The following VWA1 variants were observed in gnomAD, a reference collection of about 807,000 sequenced individuals.
The protein encoded by VWA1 is von Willebrand factor A domain-containing protein 1.
In VWA1, 12 loss-of-function variants were observed where a neutral mutation model predicts 14.9. That is an observed-to-expected ratio of 0.80 (90% CI 0.52 to 1.30). The LOEUF is 1.30. Among genes scored for constraint, VWA1 ranks in the 50% most tolerant of loss-of-function variants. The pLI is 0.00. For synonymous variants in VWA1, 368 were observed against 310.7 expected (o/e 1.18, Z -1.94); for missense variants, 800 against 649.1 (o/e 1.23, Z -2.53).
At position 1,441,323 on chromosome 1, in the gene VWA1, A is replaced by G. The variant is rs1417024911; in HGVS notation, c.*1536A>G. ...CACCGCCCACCAGCTGGGTGTGGTC[A>G]CCATTCATGGAGGGCCGGCTGGGGC... On this transcript the variant is annotated 3_prime_UTR_variant, in exon 3 of 3. Coordinates refer to ENST00000476993, the MANE Select transcript of VWA1 (RefSeq NM_022834.5). 6.6e-6 allele frequency: 1 copy of G among 152,200 alleles called. No homozygotes were observed. Among genetic ancestry groups the G allele is most frequent in the Admixed American group, 6.5e-5 (1 of 15,278 alleles). 9.4% of individuals were successfully genotyped at this position (152,200 alleles called of 1,614,324 possible).
chr1:1,439,066 CT>C lies in VWA1; in HGVS notation c.632-14del, dbSNP rs753344012. On this transcript the variant is annotated splice_polypyrimidine_tract_variant and intron_variant, in intron 2 of 2. Transcript: ENST00000476993. The stretch of plus-strand genomic sequence containing the variant: ...GAACTGACCGCTGTTCCCTGACCCC[CT>C]GCACCACCCACAGACGCGATGCGGC... 4 of 1,595,702 alleles carry C rather than the reference CT, an allele frequency of 2.5e-6. No homozygotes were observed. The South Asian group carries it at 3.3e-5, about 13-fold the overall frequency.
Position 1,437,126 on chromosome 1 carries a change from C to T in VWA1, c.273C>T (p.His91=). 3 of 1,606,388 alleles carry T rather than the reference C, an allele frequency of 1.9e-6. No individual in the cohort carries two copies. Among genetic ancestry groups the T allele is most frequent in the Non-Finnish European group, 2.6e-6 (3 of 1,175,418 alleles). Reference sequence around the variant, plus strand: ...ACACCGAGTTCCCCTTCGGCCAGCACAGCTCGGGTGAGGCTGCCCAGGATG... The same window carrying T: ...ACACCGAGTTCCCCTTCGGCCAGCATAGCTCGGGTGAGGCTGCCCAGGATG... The part of the protein sequence containing the change: ...RPYTEFPFGQ[H]SSGEAAQDAV... The change falls in exon 2 of 3, where the codon CAC becomes CAT. Residue 91 remains histidine, a synonymous_variant. Coordinates refer to ENST00000476993, the MANE Select transcript of VWA1 (RefSeq NM_022834.5).
Position 1,442,744 on chromosome 1 carries a change from A to C in VWA1, c.*2957A>C, listed in dbSNP as rs1180152020. 1 of 152,252 alleles carries C rather than the reference A, an allele frequency of 6.6e-6. No homozygotes were observed. Among genetic ancestry groups the C allele is most frequent in the African/African-American group, 2.4e-5 (1 of 41,464 alleles). The allele number at this position is 152,252 out of a possible 1,614,324, so 9.4% of individuals were successfully genotyped here. ...CAGACAGCTGTTCGTGAGAAGCCAG[A>C]CAGAGGCCTGGGGTCTCAGTCCAGA... is the stretch of plus-strand genomic sequence containing the variant. On this transcript the variant is annotated 3_prime_UTR_variant, in exon 3 of 3. Transcript: ENST00000476993.
chr1:1,437,505 C>A, intron 2 of VWA1, 21 bp downstream of exon 2: 1 of 1,580,914 alleles, frequency 6.3e-7, no homozygotes, highest in Non-Finnish European at 8.6e-7. Context: ...GGAGGCAGGG[C>A]CCAGGGAGCC....
At chr1:1,438,699 C>T (rs1463332341) in intron 2 of VWA1, among the ~76,000 whole-genome samples, 1 of 152,146 alleles carries the variant, frequency 6.6e-6, no homozygotes, top group Non-Finnish European at 1.5e-5. Context: ...CCTCAGACCC[C>T]GGCCTGGCCA....
In VWA1 at chr1:1,437,297, C is replaced by T. The variant is rs375729899; in HGVS notation, c.444C>T (p.Ser148=). ...VLVWVTDGGS[S]DPVGPPMQEL... ...TGTGGGTGACAGATGGCGGCTCCAG[C>T]GACCCTGTGGGCCCCCCCATGCAGG... The change falls in exon 2 of 3, where the codon AGC becomes AGT. Residue 148 remains serine, a synonymous_variant. Transcript: ENST00000476993. The T allele has an allele frequency of 1.5e-4, 236 of 1,610,398 alleles. No individual in the cohort carries two copies. Among genetic ancestry groups the T allele is most frequent in the Non-Finnish European group, 1.8e-4 (217 of 1,179,036 alleles).
Position 1,439,358 on chromosome 1 carries a change from C to T in VWA1, c.909C>T (p.Pro303=). 3.2e-6 allele frequency: 5 copies of T among 1,542,814 alleles called. No individual in the cohort carries two copies. The highest frequency in any genetic ancestry group is 4.3e-6 in the Non-Finnish European group (5 of 1,151,044). Reference sequence around the variant, plus strand: ...AGATCCTGCGGGTGCGCACGCGGCCCGGTGAGGCAGGGCCGGGGGCTTCGG... The same window carrying T: ...AGATCCTGCGGGTGCGCACGCGGCCTGGTGAGGCAGGGCCGGGGGCTTCGG... The part of the protein sequence containing the change: ...RPQILRVRTR[P]GEAGPGASGP... Residue 303 remains proline, a synonymous_variant, in exon 3 of 3, where the codon CCC becomes CCT. Transcript: ENST00000476993.
At chr1:1,437,558 G>A in intron 2 of VWA1, 74 bp downstream of exon 2, 1 of 1,525,062 alleles carries the variant, frequency 6.6e-7, no homozygotes, top group Non-Finnish European at 8.8e-7. Context: ...TGAGACTTTG[G>A]GAAGATCTCA....
At chr1:1,436,401 A>G (rs1273436010) in intron 1 of VWA1, among the ~76,000 whole-genome samples, 1 of 151,818 alleles carries the variant, frequency 6.6e-6, no homozygotes, top group Non-Finnish European at 1.5e-5. Flanking sequence ...GGGAGGGGCC[A>G]CCATCTAGTA....
intron 1 of VWA1, 95 bp downstream of exon 1, chr1:1,435,916 C>T (rs1221444263): frequency 4.9e-5 from 7 of 142,970 alleles, no homozygotes; most frequent in Non-Finnish European, 7.6e-5. Context: ...CTGCTCCGGA[C>T]GGGCGGGCGG....
In VWA1 at chr1:1,439,479, C is replaced by T. The variant is rs1168666635; in HGVS notation, c.1030C>T (p.Arg344Trp). 3 of 1,420,814 alleles carry T rather than the reference C, an allele frequency of 2.1e-6. No homozygotes were observed. The highest frequency in any genetic ancestry group is 3.5e-5 in the East Asian group (1 of 28,670). 88.0% of individuals were successfully genotyped at this position (1,420,814 alleles called of 1,614,324 possible). Reference protein sequence around the residue: ...GPERIVISHARPRSLRVSWAP... With the variant: ...GPERIVISHAWPRSLRVSWAP... ...AGAGCGCATCGTCATCTCCCACGCC[C>T]GGCCGCGCAGCCTCCGCGTGAGTTG... Residue 344 changes from arginine (R) to tryptophan (W), a missense_variant, in exon 3 of 3, where the codon CGG becomes TGG. By Grantham distance (101) the Arg-to-Trp change is moderately radical (BLOSUM62 -3). Transcript: ENST00000476993.
chr1:1,439,452 C>T lies in VWA1; in HGVS notation c.1003C>T (p.Pro335Ser), dbSNP rs1339942006. 1 of 1,428,092 alleles carries T rather than the reference C, an allele frequency of 7.0e-7. No individual in the cohort carries two copies. Among genetic ancestry groups the T allele is most frequent in the Non-Finnish European group, 9.1e-7 (1 of 1,101,218 alleles). 88.5% of individuals were successfully genotyped at this position (1,428,092 alleles called of 1,614,324 possible). A position where few individuals can be genotyped will look rare whatever the true frequency, so the allele number is the denominator to read the frequency against. Reference sequence around the variant, plus strand: ...CCTCCCCGCCCCAGAGGAGGCCGGGCCAGAGCGCATCGTCATCTCCCACGC... The same window carrying T: ...CCTCCCCGCCCCAGAGGAGGCCGGGTCAGAGCGCATCGTCATCTCCCACGC... ...AALPAPEEAGPERIVISHARP... is the reference protein window; with the variant it reads ...AALPAPEEAGSERIVISHARP... The change falls in exon 3 of 3, where the codon CCA (proline) becomes TCA (serine). Residue 335 changes from proline to serine, a missense_variant. By Grantham distance (74) the Pro-to-Ser change is moderately conservative. Transcript: ENST00000476993.
intron 2 of VWA1, among the ~76,000 whole-genome samples, chr1:1,437,723 C>A (rs961596544): frequency 6.6e-6 from 1 of 152,172 alleles, no homozygotes; most frequent in Non-Finnish European, 1.5e-5. Context: ...AGGTGTAGCT[C>A]CCTGCTGATG....
chr1:1,438,533 C>T (rs185848393), intron 2 of VWA1, among the ~76,000 whole-genome samples: 1 of 152,254 alleles, frequency 6.6e-6, no homozygotes, highest in Admixed American at 6.5e-5. Context: ...ACTCAGAGGG[C>T]TATGTGGGGC....
In VWA1 at chr1:1,440,940, C is replaced by A. The variant is rs1027341410; in HGVS notation, c.*1153C>A. On this transcript the variant is annotated 3_prime_UTR_variant, in exon 3 of 3. Transcript: ENST00000476993. ...ACCTTTTATTCAGAGAGCTTGGGCCCCCTTCCTTTGGAGCTGGGCCCAGGG... is the reference window on the plus strand; with the variant it reads ...ACCTTTTATTCAGAGAGCTTGGGCCACCTTCCTTTGGAGCTGGGCCCAGGG... 1 of 152,248 alleles carries A rather than the reference C, an allele frequency of 6.6e-6. No individual in the cohort carries two copies. Among genetic ancestry groups the A allele is most frequent in the African/African-American group, 2.4e-5 (1 of 41,440 alleles). 9.4% of individuals were successfully genotyped at this position (152,248 alleles called of 1,614,324 possible). A position where few individuals can be genotyped will look rare whatever the true frequency, so the allele number is the denominator to read the frequency against.
chr1:1,438,019 C>G (rs1331187952), intron 2 of VWA1, among the ~76,000 whole-genome samples: 1 of 152,194 alleles, frequency 6.6e-6, no homozygotes, highest in Non-Finnish European at 1.5e-5. Context: ...GAGGCAGGAG[C>G]TGAGCAGCTC....
rs1452507387 is a variant in VWA1, at chr1:1,439,980, G to T, written c.*193G>T. 6.4e-6 allele frequency: 4 copies of T among 626,722 alleles called. No homozygotes were observed. The highest frequency in any genetic ancestry group is 8.2e-6 in the Non-Finnish European group (4 of 488,064). The allele number at this position is 626,722 out of a possible 1,614,324, so 38.8% of individuals were successfully genotyped here. On this transcript the variant is annotated 3_prime_UTR_variant, in exon 3 of 3. Coordinates refer to ENST00000476993, the MANE Select transcript of VWA1 (RefSeq NM_022834.5). ...CTGGCGCCTGCCCTCCAGGGCTGGG[G>T]CCTCGCCTGGCGGGACCCCGCAGCA...
chr1:1,439,497 G>A lies in VWA1; in HGVS notation c.1048G>A (p.Val350Met). ...CCACGCCCGGCCGCGCAGCCTCCGC[G>A]TGAGTTGGGCCCCAGCGCTGGGCTC... ...ISHARPRSLR[V>M]SWAPALGSAA... Residue 350 changes from valine to methionine, a missense_variant, in exon 3 of 3, where the codon GTG (valine) becomes ATG (methionine). Coordinates refer to ENST00000476993, the MANE Select transcript of VWA1 (RefSeq NM_022834.5). 7.1e-7 allele frequency: 1 copy of A among 1,414,418 alleles called. No homozygotes were observed. The highest frequency in any genetic ancestry group is 9.2e-7 in the Non-Finnish European group (1 of 1,088,468). The allele number at this position is 1,414,418 out of a possible 1,614,324, so 87.6% of individuals were successfully genotyped here.
intron 2 of VWA1, among the ~76,000 whole-genome samples, chr1:1,438,618 C>T (rs1394218834): frequency 6.6e-6 from 1 of 152,152 alleles, no homozygotes; most frequent in African/African-American, 2.4e-5. Flanking sequence ...GGGCAGGCAG[C>T]GCCTCCAGAA....
Sources: gnomAD v4.1 joint callset for allele counts (sites outside exome capture counted in the v4.1 genomes callset) on GRCh38, gnomAD v4.1.1 for gene constraint, MANE v1.5 for transcripts, NCBI Gene and HGNC (gene_info 2026-07-23, HGNC 2026-07-21) for gene names.